DAB1: variants seen among roughly 807,000 people sequenced by gnomAD.
DAB1 encodes disabled homolog 1.
Under a neutral mutation model 64.6 loss-of-function variants are expected in DAB1, and 15 were observed. That is an observed-to-expected ratio of 0.23 (90% CI 0.16 to 0.36). The LOEUF is 0.36. Ranked by LOEUF, DAB1 falls within the 10% of genes least tolerant of loss-of-function variation. The pLI is 1.00. For synonymous variants in DAB1, 235 were observed against 251.9 expected (o/e 0.93, Z 0.64); for missense variants, 596 against 706.7 (o/e 0.84, Z 1.78).
rs141498233 is a variant in DAB1, at chr1:57,335,933, C to T, written c.-136-44767G>A. ...AACCACAGATGTTGCTTTTGAGCAT[C>T]TTTATTTCTGAAATTACAAATAATC... On this transcript the variant is annotated intron_variant, in intron 1 of 14. Coordinates refer to ENST00000371236, the MANE Select transcript of DAB1 (RefSeq NM_001365792.1). 1.6e-3 allele frequency among the ~76,000 whole-genome samples: 249 copies of T among 152,272 alleles called. 2 individuals carry two copies. Among genetic ancestry groups the T allele is most frequent in the African/African-American group, 5.8e-3 (242 of 41,546 alleles).
At chr1:57,442,443 C>G (rs926305566) in intron 7 of DAB1, among the ~76,000 whole-genome samples, 1 of 152,178 alleles carries the variant, frequency 6.6e-6, no homozygotes, top group African/African-American at 2.4e-5. Context: ...TGCTGACAAT[C>G]CTGGTATTCA....
At chr1:57,501,745 G>A (rs1055935972) in intron 7 of DAB1, among the ~76,000 whole-genome samples, 2 of 152,106 alleles carry the variant, frequency 1.3e-5, no homozygotes, top group African/African-American at 4.8e-5. Flanking sequence ...TGGAGAAAAG[G>A]CACCAAAACA....
At chr1:57,501,059 G>A (rs1372671590) in intron 7 of DAB1, among the ~76,000 whole-genome samples, 1 of 152,198 alleles carries the variant, frequency 6.6e-6, no homozygotes, top group Non-Finnish European at 1.5e-5. Context: ...ATGTGACTTT[G>A]ATGCTCTTGC....
At chr1:57,847,257 T>G (rs939809859) in intron 1 of DAB1, among the ~76,000 whole-genome samples, 1 of 151,294 alleles carries the variant, frequency 6.6e-6, no homozygotes, top group Non-Finnish European at 1.5e-5. Flanking sequence ...AAAACAGACA[T>G]TCAGCTTTTA....
chr1:57,041,638 G>T (rs926996288), intron 9 of DAB1, among the ~76,000 whole-genome samples: 8 of 152,182 alleles, frequency 5.3e-5, no homozygotes, highest in Admixed American at 4.6e-4. Context: ...GATTACCCAG[G>T]ATAAGATTCA....
chr1:57,118,783 C>G (rs1172693856), intron 4 of DAB1, among the ~76,000 whole-genome samples: 1 of 152,078 alleles, frequency 6.6e-6, no homozygotes, highest in African/African-American at 2.4e-5. Flanking sequence ...CATATATTAC[C>G]TTGTTTAATC....
intron 1 of DAB1, among the ~76,000 whole-genome samples, chr1:57,355,542 G>C (rs1679024798): frequency 6.6e-6 from 1 of 152,026 alleles, no homozygotes; most frequent in Non-Finnish European, 1.5e-5. Context: ...TGGGGATAGA[G>C]TGGAGTTGGG....
At chr1:57,651,333 T>C (rs1646253843) in intron 6 of DAB1, among the ~76,000 whole-genome samples, 1 of 152,102 alleles carries the variant, frequency 6.6e-6, no homozygotes, top group African/African-American at 2.4e-5. Context: ...ACATTTGGAG[T>C]TACATATATA....
At chr1:57,396,272 A>G (rs1201017318) in intron 1 of DAB1, among the ~76,000 whole-genome samples, 1 of 152,268 alleles carries the variant, frequency 6.6e-6, no homozygotes, top group East Asian at 1.9e-4. Context: ...TTAACCTAGC[A>G]TCTCCATGCC....
chr1:58,197,703 C>CTTTTTTTTT (rs3053698), intron 4 of DAB1, among the ~76,000 whole-genome samples: 1 of 139,962 alleles, frequency 7.1e-6, no homozygotes, highest in Non-Finnish European at 1.5e-5. Flanking sequence ...GAGAGTTACA[C>CTTTTTTTTT]TTTTTTTTTT....
intron 4 of DAB1, among the ~76,000 whole-genome samples, chr1:58,307,882 C>T (rs1256295190): frequency 6.6e-6 from 1 of 151,942 alleles, no homozygotes; most frequent in African/African-American, 2.4e-5. Flanking sequence ...AGAGCTTAAG[C>T]TAACAAAGTG....
At chr1:57,462,863 C>T (rs1005407907) in intron 7 of DAB1, among the ~76,000 whole-genome samples, 1 of 152,030 alleles carries the variant, frequency 6.6e-6, no homozygotes, top group African/African-American at 2.4e-5. Flanking sequence ...ATAGGATGGC[C>T]TAACAACAGA....
At chr1:58,127,702 T>A (rs1249325301) in intron 5 of DAB1, among the ~76,000 whole-genome samples, 10 of 152,072 alleles carry the variant, frequency 6.6e-5, no homozygotes, top group Non-Finnish European at 1.5e-4. Context: ...CCCAGCACCA[T>A]TTATTAAATA....
Position 58,177,108 on chromosome 1 carries a change from A to C in DAB1, n.310-26520T>G, listed in dbSNP as rs544102081. Among the ~76,000 whole-genome samples, 44 of 152,310 alleles carry C rather than the reference A, an allele frequency of 2.9e-4. 2 individuals carry two copies. The South Asian group carries it at 8.7e-3, about 30-fold the overall frequency. Reference sequence around the variant, plus strand: ...TCATATTATTAATTGTATTTTACAGAAGAAGAAACTGGAGCTCAGATAATT... The same window carrying C: ...TCATATTATTAATTGTATTTTACAGCAGAAGAAACTGGAGCTCAGATAATT... On this transcript the variant is annotated intron_variant and non_coding_transcript_variant, in intron 4 of 20. Coordinates refer to the DAB1 transcript ENST00000485760.
intron 1 of DAB1, among the ~76,000 whole-genome samples, chr1:57,849,220 C>A (rs1241932752): frequency 1.3e-5 from 2 of 152,138 alleles, no homozygotes; most frequent in African/African-American, 4.8e-5. Context: ...CCAGAAGGGC[C>A]AGAGTAGCAC....
chr1:58,424,099 G>A (rs962133441), intron 3 of DAB1, among the ~76,000 whole-genome samples: 1 of 152,188 alleles, frequency 6.6e-6, no homozygotes, highest in Non-Finnish European at 1.5e-5. Flanking sequence ...GGTGAAGGGG[G>A]AGGGAGAGGC....
chr1:57,193,381 G>GTTTTATTTTTTTTT (rs1664319301), intron 2 of DAB1, among the ~76,000 whole-genome samples: 1 of 83,060 alleles, frequency 1.2e-5, no homozygotes, highest in African/African-American at 5.0e-5. Flanking sequence ...CGTAGCATAT[G>GTTTTATTTTTTTTT]TTTTTTTTTT....
chr1:57,716,450 C>G (rs1396913991), intron 6 of DAB1, among the ~76,000 whole-genome samples: 1 of 152,140 alleles, frequency 6.6e-6, no homozygotes, highest in East Asian at 1.9e-4. Flanking sequence ...TTATAGCCAG[C>G]TGATTTTTAA....
intron 5 of DAB1, among the ~76,000 whole-genome samples, chr1:58,017,477 G>A (rs1391934559): frequency 6.6e-6 from 1 of 152,292 alleles, no homozygotes; most frequent in East Asian, 1.9e-4. Context: ...CCCAAGCAGA[G>A]CTGAAATGCT....
Sources: gnomAD v4.1 joint callset for allele counts (sites outside exome capture counted in the v4.1 genomes callset) on GRCh38, gnomAD v4.1.1 for gene constraint, MANE v1.5 for transcripts, NCBI Gene and HGNC (gene_info 2026-07-23, HGNC 2026-07-21) for gene names.